The following KIF4A variants were observed in gnomAD, a reference collection of about 807,000 sequenced individuals.
The protein encoded by KIF4A is kinesin family member 4A.
A neutral mutation model predicts 105.9 loss-of-function variants in KIF4A; 7 were observed. The ratio of observed to expected loss-of-function variants is 0.07; its 90% confidence interval spans 0.04 to 0.12. KIF4A has a LOEUF of 0.12. KIF4A is among the 10% of genes least tolerant of loss of function. KIF4A has a pLI of 1.00. For synonymous variants in KIF4A, 281 were observed against 331.3 expected, an observed-to-expected ratio of 0.85 and a Z score of 1.65; for missense variants, 558 against 929.2, an observed-to-expected ratio of 0.60 and a Z score of 5.19.
At position 70,366,253 on chromosome X, in the gene KIF4A, T is replaced by G. The variant is rs775010745; in HGVS notation, c.1675-7898T>G. Among the ~76,000 whole-genome samples, 1,010 of 110,870 alleles carry G rather than the reference T, an allele frequency of 9.1e-3. 9 individuals are homozygous for G. The highest frequency in any genetic ancestry group is 0.032 in the African/African-American group (962 of 30,506). On this transcript the variant is annotated intron_variant, in intron 15 of 30. Transcript: ENST00000374403. ...GTTTTTTGTGTCTCTATTTCCTTCA[T>G]TTCTGCTCTGATCTTAGTTATTTCT...
intron 18 of KIF4A, among the ~76,000 whole-genome samples, chrX:70,376,770 C>T: frequency 8.9e-6 from 1 of 111,928 alleles, no homozygotes; most frequent in Non-Finnish European, 1.9e-5. Context: ...TATTAAAGAT[C>T]CAAGAAGTTT....
At chrX:70,373,847 TAC>T (rs902162619) in intron 15 of KIF4A, among the ~76,000 whole-genome samples, 423 of 36,440 alleles carry the variant, frequency 0.012, 7 homozygotes, top group African/African-American at 0.028. Flanking sequence ...CACACACACA[TAC>T]ACACACACAC....
Position 70,376,129 on chromosome X carries a change from G to A in KIF4A, c.1953G>A (p.Met651Ile). 8.3e-7 allele frequency: 1 copy of A among 1,207,391 alleles called. No homozygotes were observed. Among genetic ancestry groups the A allele is most frequent in the Non-Finnish European group, 1.1e-6 (1 of 892,515 alleles). Residue 651 changes from methionine to isoleucine, a missense_variant, in exon 18 of 31, where the codon ATG becomes ATA. Physicochemically the swap from Met to Ile is conservative, Grantham distance 10. Transcript: ENST00000374403. Reference protein sequence around the residue: ...RMMKNQRVQLMRQMKEDAEKF... With the variant: ...RMMKNQRVQLIRQMKEDAEKF... The stretch of plus-strand genomic sequence containing the variant: ...TGAAAAACCAGCGGGTACAGTTAAT[G>A]CGTCAAATGAAAGAAGATGCTGAGA...
intron 22 of KIF4A, among the ~76,000 whole-genome samples, chrX:70,402,200 C>T: frequency 8.9e-6 from 1 of 111,787 alleles, no homozygotes; most frequent in Admixed American, 9.5e-5. Context: ...GAATCTTATC[C>T]TTGCATGGGT....
At chrX:70,359,132 C>A (rs1047235976) in intron 15 of KIF4A, among the ~76,000 whole-genome samples, 3 of 112,061 alleles carry the variant, frequency 2.7e-5, no homozygotes, top group African/African-American at 9.7e-5. Flanking sequence ...CAGCTGTTTT[C>A]TTCTTCCAAA....
At chrX:70,401,748 A>G (rs1371048116) in intron 22 of KIF4A, among the ~76,000 whole-genome samples, 3 of 111,981 alleles carry the variant, frequency 2.7e-5, no homozygotes, top group African/African-American at 9.7e-5. Flanking sequence ...CTCTATAGGT[A>G]TAACACATGT....
At chrX:70,359,664 A>G (rs371320822) in intron 15 of KIF4A, among the ~76,000 whole-genome samples, 1 of 110,555 alleles carries the variant, frequency 9.0e-6, no homozygotes, top group Non-Finnish European at 1.9e-5. Context: ...TCACATCCAC[A>G]TTCCAGGCAG....
At chrX:70,301,800 C>T in intron 5 of KIF4A, 100 bp from the exon 6 acceptor site, 1 of 926,045 alleles carries the variant, frequency 1.1e-6, no homozygotes, top group Non-Finnish European at 1.5e-6. Flanking sequence ...TGAGGTTCTA[C>T]TAGACTATCA....
intron 7 of KIF4A, among the ~76,000 whole-genome samples, chrX:70,316,996 A>G (rs1362038421): frequency 8.9e-6 from 1 of 112,059 alleles, no homozygotes; most frequent in Non-Finnish European, 1.9e-5. Context: ...TGATAACCCT[A>G]ACTCAACATT....
intron 15 of KIF4A, among the ~76,000 whole-genome samples, chrX:70,370,749 A>G (rs1055532109): frequency 9.1e-6 from 1 of 109,379 alleles, no homozygotes; most frequent in African/African-American, 3.3e-5. Flanking sequence ...CAGCCTGGCC[A>G]ACATGGTGAA....
intron 19 of KIF4A, 86 bp downstream of exon 19, chrX:70,386,787 C>A: frequency 1.4e-6 from 1 of 689,974 alleles, no homozygotes; most frequent in Non-Finnish European, 2.3e-6. Context: ...AACTAGCAAG[C>A]GTCCTGAGAA....
intron 28 of KIF4A, among the ~76,000 whole-genome samples, chrX:70,417,437 G>A (rs1421349267): frequency 2.7e-5 from 3 of 111,593 alleles, no homozygotes; most frequent in East Asian, 2.8e-4. Context: ...GCCTGAGGTC[G>A]GGAGTTCAAG....
intron 15 of KIF4A, among the ~76,000 whole-genome samples, chrX:70,363,555 C>G (rs1325703557): frequency 9.0e-6 from 1 of 111,389 alleles, no homozygotes; most frequent in African/African-American, 3.3e-5. Flanking sequence ...TCATCCATGT[C>G]CCTACAAAGG....
At chrX:70,386,770 T>G in intron 19 of KIF4A, 69 bp downstream of exon 19, 5 of 789,804 alleles carry the variant, frequency 6.3e-6, no homozygotes, top group Non-Finnish European at 9.5e-6. Flanking sequence ...CAAAGTAATA[T>G]CCTTTAAACT....
intron 18 of KIF4A, among the ~76,000 whole-genome samples, chrX:70,384,894 G>C (rs1333018980): frequency 9.5e-6 from 1 of 104,921 alleles, no homozygotes; most frequent in Non-Finnish European, 1.9e-5. Context: ...TTGGCTCACT[G>C]CAACATCTGC....
In KIF4A at chrX:70,330,251, T is replaced by C. The variant is rs757025451; in HGVS notation, c.990T>C (p.Ala330=). ...LEETLNTLRY[A]DRARKIKNKP... ...AAACATTAAATACCCTTCGCTATGC[T>C]GACAGAGCAAGAAAAATCAAGAACA... Residue 330 remains alanine, a synonymous_variant, in exon 9 of 31, where the codon GCT becomes GCC. Transcript: ENST00000374403. The C allele has an allele frequency of 1.7e-6, 2 of 1,211,618 alleles. No individual in the cohort carries two copies. The highest frequency in any genetic ancestry group is 1.1e-6 in the Non-Finnish European group (1 of 895,246).
chrX:70,416,293 G>C (rs1232253809), intron 28 of KIF4A, among the ~76,000 whole-genome samples: 1 of 106,517 alleles, frequency 9.4e-6, no homozygotes, highest in Non-Finnish European at 1.9e-5. Context: ...TCAAGCTGTT[G>C]ACTCACAGAG....
chrX:70,388,842 C>T (rs191016181), intron 20 of KIF4A, among the ~76,000 whole-genome samples: 132 of 112,619 alleles, frequency 1.2e-3, no homozygotes, highest in African/African-American at 4.0e-3. Flanking sequence ...CTGGCTGTGG[C>T]TTGCCCTTTT....
intron 18 of KIF4A, among the ~76,000 whole-genome samples, chrX:70,378,860 G>GA (rs368821747): frequency 6.7e-5 from 7 of 104,887 alleles, no homozygotes; most frequent in African/African-American, 2.1e-4. Context: ...GCCTTAATAA[G>GA]AAAAAAAAAG....
Sources: gnomAD v4.1 joint callset for allele counts (sites outside exome capture counted in the v4.1 genomes callset) on GRCh38, gnomAD v4.1.1 for gene constraint, MANE v1.5 for transcripts, NCBI Gene and HGNC (gene_info 2026-07-23, HGNC 2026-07-21) for gene names.